Variants in ZMIZ1 observed in about 807,000 individuals in gnomAD.
ZMIZ1 encodes zinc finger MIZ-type containing 1.
Under a neutral mutation model 113.9 loss-of-function variants are expected in ZMIZ1, and 17 were observed. The observed-to-expected ratio is 0.15, with a 90% CI of 0.10 to 0.22. The LOEUF (loss-of-function observed/expected upper bound fraction) is 0.22, where lower values mean the gene tolerates loss of function less well. Among genes scored for constraint, ZMIZ1 ranks in the 10% least tolerant of loss-of-function variants. The pLI, the probability that ZMIZ1 is intolerant of heterozygous loss-of-function variation, is 1.00. For synonymous variants in ZMIZ1, 607 were observed against 603.1 expected, an observed-to-expected ratio of 1.01 and a Z score of -0.09; for missense variants, 1,059 against 1,477.8, an observed-to-expected ratio of 0.72 and a Z score of 4.65.
At chr10:79,188,633 G>A (rs1215402569) in intron 4 of ZMIZ1, among the ~76,000 whole-genome samples, 5 of 101,192 alleles carry the variant, frequency 4.9e-5, no homozygotes, top group African/African-American at 7.8e-5. Context: ...CACCCCCCTA[G>A]TATCCCCTCC....
intron 7 of ZMIZ1, among the ~76,000 whole-genome samples, chr10:79,260,307 C>G (rs1851191813): frequency 6.6e-6 from 1 of 152,178 alleles, no homozygotes; most frequent in Non-Finnish European, 1.5e-5. Context: ...GGAATCAGGA[C>G]TTTAAAAGCA....
At chr10:79,231,766 T>TG (rs1564538671) in intron 7 of ZMIZ1, among the ~76,000 whole-genome samples, 11 of 152,056 alleles carry the variant, frequency 7.2e-5, no homozygotes, top group South Asian at 2.1e-4. Context: ...TTAGTAGAGA[T>TG]GGGGTTCCAC....
chr10:79,142,989 G>A (rs1324438798), intron 3 of ZMIZ1, among the ~76,000 whole-genome samples: 1 of 152,174 alleles, frequency 6.6e-6, no homozygotes, highest in Admixed American at 6.5e-5. Flanking sequence ...CCCAGTTAGG[G>A]GAGCTCTCTG....
At chr10:79,292,615 C>A (rs1853569359) in intron 11 of ZMIZ1, among the ~76,000 whole-genome samples, 1 of 152,062 alleles carries the variant, frequency 6.6e-6, no homozygotes, top group African/African-American at 2.4e-5. Context: ...GTGTTGGTGG[C>A]TCATGTACAA....
intron 18 of ZMIZ1, among the ~76,000 whole-genome samples, chr10:79,302,510 A>AGGAC (rs1854376041): frequency 6.6e-6 from 1 of 151,996 alleles, no homozygotes. Context: ...ATAGCAGCAC[A>AGGAC]GGACATGAGG....
At position 79,296,795 on chromosome 10, in the gene ZMIZ1, G is replaced by A. The variant is rs2132050348; in HGVS notation, c.1413+142G>A. On this transcript the variant is annotated intron_variant, in intron 13 of 24. Transcript: ENST00000334512. The surrounding 1 kb of genome is among the most constrained non-coding windows in gnomAD (Gnocchi z 4.1). ...GTGGGTGATTTCTGAACGTCCCCAT[G>A]TGTTCAGGGCGAAGTTCGGTGGCCA... The A allele has an allele frequency of 9.0e-6, 7 of 779,354 alleles. No individual in the cohort carries two copies. The highest frequency in any genetic ancestry group is 1.3e-5 in the Non-Finnish European group (7 of 525,432). 48.3% of individuals were successfully genotyped at this position (779,354 alleles called of 1,614,324 possible).
chr10:79,156,499 C>G (rs1339767418), intron 3 of ZMIZ1, among the ~76,000 whole-genome samples: 1 of 152,218 alleles, frequency 6.6e-6, no homozygotes, highest in Admixed American at 6.5e-5. Context: ...AGCTGCCTGT[C>G]CGCCCTTCCC....
At chr10:79,172,716 C>T (rs140023781) in intron 4 of ZMIZ1, among the ~76,000 whole-genome samples, 1 of 152,272 alleles carries the variant, frequency 6.6e-6, no homozygotes, top group Non-Finnish European at 1.5e-5. Context: ...TGAGGGCCAC[C>T]GTTGCATCTT....
intron 4 of ZMIZ1, among the ~76,000 whole-genome samples, chr10:79,188,824 C>A (rs1238689411): frequency 6.6e-6 from 1 of 152,248 alleles, no homozygotes; most frequent in Non-Finnish European, 1.5e-5. Context: ...TCCAGTAACA[C>A]TGAGAAAAGC....
At chr10:79,291,263 C>G in intron 10 of ZMIZ1, 87 bp downstream of exon 10, 1 of 1,401,896 alleles carries the variant, frequency 7.1e-7, no homozygotes. Flanking sequence ...AATCCCAGCT[C>G]CACGCTTTCT....
intron 3 of ZMIZ1, 36 bp from the exon 4 acceptor site, chr10:79,162,017 G>C (rs532049493): frequency 2.5e-6 from 1 of 399,160 alleles, no homozygotes; most frequent in South Asian, 1.3e-4. Context: ...GGCCTCTACT[G>C]TGGGTAGACC....
At chr10:79,160,318 A>G (rs1379588465) in intron 3 of ZMIZ1, among the ~76,000 whole-genome samples, 1 of 151,862 alleles carries the variant, frequency 6.6e-6, no homozygotes, top group Non-Finnish European at 1.5e-5. Flanking sequence ...TCCTCTCCCC[A>G]TGGCTGGGGT....
intron 23 of ZMIZ1, among the ~76,000 whole-genome samples, chr10:79,309,366 C>G (rs1483921470): frequency 6.6e-6 from 1 of 152,306 alleles, no homozygotes; most frequent in East Asian, 1.9e-4. Flanking sequence ...GAGTGTGGAG[C>G]CCCTCCCTGC....
In ZMIZ1 at chr10:79,231,719, CA is replaced by C. The variant is rs1416371989; in HGVS notation, c.280+15447del. 3.9e-5 allele frequency among the ~76,000 whole-genome samples: 6 copies of C among 152,234 alleles called. No individual in the cohort carries two copies. The South Asian group carries it at 1.2e-3, about 32-fold the overall frequency. On this transcript the variant is annotated intron_variant, in intron 7 of 24. Coordinates refer to ENST00000334512, the MANE Select transcript of ZMIZ1 (RefSeq NM_020338.4). ...TCCGCCTCCCAAGTAGCTGGAATTA[CA>C]AGCACACGCCACCACGCCTGGCTAA...
intron 6 of ZMIZ1, among the ~76,000 whole-genome samples, chr10:79,210,520 A>G (rs1589428383): frequency 6.6e-6 from 1 of 152,198 alleles, no homozygotes; most frequent in South Asian, 2.1e-4. Context: ...AGGGCAGGAA[A>G]TGTCTCCTGA....
chr10:79,274,182 G>T (rs1298580370), intron 7 of ZMIZ1, among the ~76,000 whole-genome samples: 1 of 152,240 alleles, frequency 6.6e-6, no homozygotes, highest in African/African-American at 2.4e-5. Context: ...AGGGGCTCAG[G>T]TCAGGACTGA....
chr10:79,211,327 G>T (rs1479445167), intron 6 of ZMIZ1, among the ~76,000 whole-genome samples: 1 of 152,106 alleles, frequency 6.6e-6, no homozygotes, highest in African/African-American at 2.4e-5. Context: ...CGGTGCCCCT[G>T]TTCCCCAGGC....
intron 7 of ZMIZ1, among the ~76,000 whole-genome samples, chr10:79,255,485 G>A (rs114705473): frequency 9.5e-4 from 144 of 152,330 alleles, no homozygotes; most frequent in African/African-American, 3.2e-3. Context: ...AGTGGAGTCC[G>A]TCTGGGCACC....
At chr10:79,246,856 C>T (rs942259177) in intron 7 of ZMIZ1, among the ~76,000 whole-genome samples, 7 of 152,186 alleles carry the variant, frequency 4.6e-5, no homozygotes, top group South Asian at 2.1e-4. Context: ...GCCCACTGGC[C>T]GGAGGGCCGA....
Sources: gnomAD v4.1 joint callset for allele counts (sites outside exome capture counted in the v4.1 genomes callset) on GRCh38, gnomAD v4.1.1 for gene constraint, Gnocchi (gnomAD v3.1) non-coding constraint, MANE v1.5 for transcripts, NCBI Gene and HGNC (gene_info 2026-07-23, HGNC 2026-07-21) for gene names.